The following RUNX1 variants were observed in gnomAD, a reference collection of about 807,000 sequenced individuals.
RUNX1 encodes runt-related transcription factor 1.
RUNX1 carries 19 observed loss-of-function variants against 42.8 expected under a neutral mutation model. The observed-to-expected ratio is 0.44, with a 90% CI of 0.31 to 0.65. RUNX1 has a LOEUF of 0.65. Among genes scored for constraint, RUNX1 ranks in the 30% least tolerant of loss-of-function variants. The pLI is 0.07. For synonymous variants in RUNX1, 271 were observed against 289.4 expected (o/e 0.94, Z 0.64); for missense variants, 528 against 672.0 (o/e 0.79, Z 2.37).
chr21:34,923,295 T>C (rs1020070467), intron 2 of RUNX1, among the ~76,000 whole-genome samples: 1 of 152,238 alleles, frequency 6.6e-6, no homozygotes, highest in Non-Finnish European at 1.5e-5. Flanking sequence ...TATATTTAAA[T>C]TGGGCTCCTT....
At chr21:35,038,519 T>A (rs911091277) in intron 2 of RUNX1, 2 of 455,364 alleles carry the variant, frequency 4.4e-6, no homozygotes, top group Non-Finnish European at 8.8e-6. Context: ...ATTCAGTACA[T>A]CCTGGGGAGA....
In RUNX1 at chr21:34,969,216, A is replaced by G. The variant is rs536260809; in HGVS notation, c.59-76253T>C. 2.6e-5 allele frequency among the ~76,000 whole-genome samples: 4 copies of G among 152,262 alleles called. No individual in the cohort carries two copies. The East Asian group carries it at 7.7e-4, about 29-fold the overall frequency. On this transcript the variant is annotated intron_variant, in intron 2 of 8. Coordinates refer to ENST00000675419, the MANE Select transcript of RUNX1 (RefSeq NM_001754.5). ...TTTCTCAACATGTAAACCTGCCACG[A>G]CTTTGGTGTTTGCAAGCTGAAGATG...
intron 2 of RUNX1, among the ~76,000 whole-genome samples, chr21:34,928,876 AAC>A (rs2058417466): frequency 6.6e-6 from 1 of 151,582 alleles, no homozygotes; most frequent in African/African-American, 2.4e-5. Flanking sequence ...ATTAAAAAAG[AAC>A]AGTCTCCACA....
intron 8 of RUNX1, among the ~76,000 whole-genome samples, chr21:34,794,871 G>A (rs1284274264): frequency 2.0e-5 from 3 of 152,100 alleles, no homozygotes; most frequent in Non-Finnish European, 2.9e-5. Context: ...AGCATCGCCC[G>A]CCCCTCTTGT....
intron 2 of RUNX1, among the ~76,000 whole-genome samples, chr21:34,977,812 G>A (rs1269888918): frequency 6.6e-6 from 1 of 152,176 alleles, no homozygotes; most frequent in Admixed American, 6.5e-5. Context: ...CATCCTTCTA[G>A]TGTGACCTAT....
chr21:34,864,645 C>T (rs1275626474), intron 5 of RUNX1, among the ~76,000 whole-genome samples: 1 of 152,166 alleles, frequency 6.6e-6, no homozygotes, highest in Non-Finnish European at 1.5e-5. Context: ...GGGTGGCCTG[C>T]ATGGAAGGAA....
intron 6 of RUNX1, among the ~76,000 whole-genome samples, chr21:34,847,687 G>A (rs1173662680): frequency 3.3e-5 from 5 of 152,124 alleles, no homozygotes; most frequent in African/African-American, 1.2e-4. Flanking sequence ...CAGCATAGGT[G>A]CTTCATGTTA....
Position 34,792,309 on chromosome 21 carries a change from G to GGGGGGGCC in RUNX1, c.1268_1269insGGCCCCCC (p.Ser424AlafsTer173). 4 of 1,542,468 alleles carry GGGGGGGCC rather than the reference G, an allele frequency of 2.6e-6. No individual in the cohort carries two copies. Among genetic ancestry groups the GGGGGGGCC allele is most frequent in the East Asian group, 2.5e-5 (1 of 40,784 alleles). On this transcript the variant is annotated frameshift_variant, in exon 9 of 9. Transcript: ENST00000675419. LOFTEE classifies it high-confidence loss of function. This position sits in a 1 kb window ranked among gnomAD's most constrained non-coding sequence, Gnocchi z 6.9. ...AGGGCGGCAGGATGCGCGGCGGCGA[G>GGGGGGGCC]CGCTCGCCGCCCACCATGGAGAACT...
intron 8 of RUNX1, among the ~76,000 whole-genome samples, chr21:34,798,986 G>A (rs1051180494): frequency 6.6e-6 from 1 of 152,192 alleles, no homozygotes; most frequent in Non-Finnish European, 1.5e-5. Flanking sequence ...GGAATAATGA[G>A]TCCTAAAAGT....
intron 5 of RUNX1, among the ~76,000 whole-genome samples, chr21:34,862,326 G>A (rs1394938885): frequency 6.6e-5 from 10 of 152,210 alleles, no homozygotes; most frequent in Non-Finnish European, 1.0e-4. Context: ...GCCATGTGCA[G>A]GCGGGCAGGT....
At chr21:35,010,363 T>G (rs755740680) in intron 2 of RUNX1, among the ~76,000 whole-genome samples, 51 of 152,214 alleles carry the variant, frequency 3.4e-4, no homozygotes, top group Non-Finnish European at 6.5e-4. Flanking sequence ...AAATCTGGTC[T>G]TCTGCCTTAA....
At position 34,788,663 on chromosome 21, in the gene RUNX1, G is replaced by A; in HGVS notation, c.*3472C>T. 4.3e-6 allele frequency: 1 copy of A among 233,176 alleles called. No homozygotes were observed. Among genetic ancestry groups the A allele is most frequent in the Non-Finnish European group, 8.5e-6 (1 of 117,886 alleles). 14.4% of individuals were successfully genotyped at this position (233,176 alleles called of 1,614,324 possible). On this transcript the variant is annotated 3_prime_UTR_variant, in exon 9 of 9. Transcript: ENST00000675419. Reference sequence around the variant, plus strand: ...TTTGTTGATGCAACTCTTCTGGAAGGAAAAAAAGAGCCAAATGATCAGCCT... The same window carrying A: ...TTTGTTGATGCAACTCTTCTGGAAGAAAAAAAAGAGCCAAATGATCAGCCT...
At chr21:34,948,099 T>TGG (rs1569119254) in intron 2 of RUNX1, among the ~76,000 whole-genome samples, 20 of 146,394 alleles carry the variant, frequency 1.4e-4, no homozygotes, top group African/African-American at 5.0e-4. Flanking sequence ...TTTTTTTTTT[T>TGG]TGGGGGGGGG....
intron 2 of RUNX1, among the ~76,000 whole-genome samples, chr21:34,935,123 A>G (rs951773955): frequency 3.3e-5 from 5 of 152,202 alleles, no homozygotes; most frequent in Non-Finnish European, 7.4e-5. Context: ...GAGAGCAAAT[A>G]GAAATACACT....
intron 2 of RUNX1, among the ~76,000 whole-genome samples, chr21:34,949,006 G>A (rs2058586851): frequency 1.3e-5 from 2 of 151,788 alleles, no homozygotes; most frequent in South Asian, 4.2e-4. Context: ...TGCCCACCTC[G>A]GCCTCCCAAA....
Position 35,033,472 on chromosome 21 carries a change from G to A in RUNX1, c.58+15370C>T, listed in dbSNP as rs147191514. On this transcript the variant is annotated intron_variant, in intron 2 of 8. Transcript: ENST00000675419. ...ATGGAGTGTGTCCATCCATGTCTGTGATGGGGATGTGGGATTCCTGTTCTC... is the reference window on the plus strand; with the variant it reads ...ATGGAGTGTGTCCATCCATGTCTGTAATGGGGATGTGGGATTCCTGTTCTC... Among the ~76,000 whole-genome samples, 13 of 152,342 alleles carry A rather than the reference G, an allele frequency of 8.5e-5. No homozygotes were observed. In the East Asian group the frequency reaches 2.5e-3, roughly 29 times the overall value.
intron 2 of RUNX1, among the ~76,000 whole-genome samples, chr21:34,917,261 G>T (rs2058318553): frequency 6.6e-6 from 1 of 152,196 alleles, no homozygotes; most frequent in Admixed American, 6.5e-5. Flanking sequence ...CTTTGTGAAG[G>T]GGCTGTGGAA....
chr21:34,817,093 AGTGCAGTCC>A (rs2056837111), intron 7 of RUNX1, among the ~76,000 whole-genome samples: 2 of 152,334 alleles, frequency 1.3e-5, no homozygotes, highest in South Asian at 4.1e-4. Context: ...GAACCTATGC[AGTGCAGTCC>A]CTGGACTCTC....
chr21:34,867,248 A>G (rs1262149594), intron 5 of RUNX1, among the ~76,000 whole-genome samples: 3 of 151,724 alleles, frequency 2.0e-5, no homozygotes, highest in Non-Finnish European at 4.4e-5. Flanking sequence ...AATATAAAAA[A>G]TAAAATAAAA....
Sources: gnomAD v4.1 joint callset for allele counts (sites outside exome capture counted in the v4.1 genomes callset) on GRCh38, gnomAD v4.1.1 for gene constraint, Gnocchi (gnomAD v3.1) non-coding constraint, MANE v1.5 for transcripts, NCBI Gene and HGNC (gene_info 2026-07-23, HGNC 2026-07-21) for gene names.